Variants in TMEM244 observed in about 807,000 individuals in gnomAD.
The protein encoded by TMEM244 is transmembrane protein 244.
Under a neutral mutation model 15.8 loss-of-function variants are expected in TMEM244, and 13 were observed. That is an observed-to-expected ratio of 0.82 (90% CI 0.53 to 1.30). TMEM244 has a LOEUF of 1.30. Ranked by LOEUF, TMEM244 falls within the 50% of genes most tolerant of loss-of-function variation. TMEM244 has a pLI of 0.00. For synonymous variants in TMEM244, 45 were observed against 48.7 expected (o/e 0.92, Z 0.32); for missense variants, 161 against 144.9 (o/e 1.11, Z -0.57).
At chr6:129,844,086 G>A (rs1584186287) in intron 2 of TMEM244, among the ~76,000 whole-genome samples, 1 of 72,348 alleles carries the variant, frequency 1.4e-5, no homozygotes, top group African/African-American at 4.9e-5. Context: ...TTTTTGAAAT[G>A]TAATGTTGAA....
rs76435478 is a variant in TMEM244 at position 129,846,027 on chromosome 6, C to T, written c.34-175G>A. ...AGTGCCCATCTTGGAGCTTCTTTAGCGGTATAATTTTCTTAAGAGTCATGT... is the reference window on the plus strand; with the variant it reads ...AGTGCCCATCTTGGAGCTTCTTTAGTGGTATAATTTTCTTAAGAGTCATGT... On this transcript the variant is annotated intron_variant, in intron 1 of 4. Coordinates refer to ENST00000368143, the MANE Select transcript of TMEM244 (RefSeq NM_001010876.2). Among the ~76,000 whole-genome samples the T allele has an allele frequency of 2.6e-3, 394 of 152,224 alleles. 1 individual carries two copies. Among genetic ancestry groups the T allele is most frequent in the African/African-American group, 8.8e-3 (364 of 41,538 alleles).
intron 1 of TMEM244, among the ~76,000 whole-genome samples, chr6:129,855,918 C>A (rs938317714): frequency 1.3e-5 from 2 of 152,036 alleles, no homozygotes; most frequent in African/African-American, 2.4e-5. Flanking sequence ...AATTTTTTAG[C>A]CATTCATTAA....
chr6:129,846,443 T>C (rs1162429114), intron 1 of TMEM244, among the ~76,000 whole-genome samples: 1 of 152,202 alleles, frequency 6.6e-6, no homozygotes, highest in Non-Finnish European at 1.5e-5. Context: ...TATATAGAGA[T>C]ACACTTACTT....
In TMEM244 at chr6:129,831,401, A is replaced by AT. The variant is rs1776327850; in HGVS notation, c.320-16_320-15insA. 1 of 1,547,042 alleles carries AT rather than the reference A, an allele frequency of 6.5e-7. No homozygotes were observed. The highest frequency in any genetic ancestry group is 1.3e-5 in the African/African-American group (1 of 74,238). The stretch of plus-strand genomic sequence containing the variant: ...TTCCAACATAACTGCAATAGAAAAA[A>AT]AATGTTTAATTTCAAAACATGCGTT... On this transcript the variant is annotated splice_polypyrimidine_tract_variant and intron_variant, in intron 4 of 4. Coordinates refer to ENST00000368143, the MANE Select transcript of TMEM244 (RefSeq NM_001010876.2).
At chr6:129,840,744 C>G (rs1776478493) in intron 3 of TMEM244, among the ~76,000 whole-genome samples, 1 of 151,962 alleles carries the variant, frequency 6.6e-6, no homozygotes, top group Non-Finnish European at 1.5e-5. Flanking sequence ...AAAAGCAACC[C>G]CATCAAAAAA....
intron 1 of TMEM244, among the ~76,000 whole-genome samples, chr6:129,852,409 C>T (rs181553688): frequency 1.2e-3 from 179 of 152,270 alleles, no homozygotes; most frequent in African/African-American, 3.7e-3. Context: ...CTTTAATCCT[C>T]ACAACAACAC....
intron 3 of TMEM244, among the ~76,000 whole-genome samples, chr6:129,834,823 A>G (rs1288276539): frequency 1.3e-5 from 2 of 152,198 alleles, no homozygotes; most frequent in Non-Finnish European, 1.5e-5. Context: ...ATCTCTTTCC[A>G]TCACATCTCA....
chr6:129,833,543 A>C lies in TMEM244; in HGVS notation c.236T>G (p.Leu79Trp), dbSNP rs1015085659. 1 of 1,613,082 alleles carries C rather than the reference A, an allele frequency of 6.2e-7. No individual in the cohort carries two copies. The highest frequency in any genetic ancestry group is 1.3e-5 in the African/African-American group (1 of 75,006). Residue 79 changes from leucine (L) to tryptophan (W), a missense_variant, in exon 4 of 5, where the codon TTG becomes TGG. By Grantham distance (61) the Leu-to-Trp change is moderately conservative. Transcript: ENST00000368143. Reference sequence around the variant, plus strand: ...TTCTTCCACAACTGGAACAAAAAACAATCCACAAACAAAGTAGGTGACCTC... The same window carrying C: ...TTCTTCCACAACTGGAACAAAAAACCATCCACAAACAAAGTAGGTGACCTC... Reference protein sequence around the residue: ...STEVTYFVCGLFFVPVVEEWV... With the variant: ...STEVTYFVCGWFFVPVVEEWV...
intron 3 of TMEM244, among the ~76,000 whole-genome samples, chr6:129,833,936 A>G (rs1189872246): frequency 6.6e-6 from 1 of 152,148 alleles, no homozygotes; most frequent in African/African-American, 2.4e-5. Flanking sequence ...AAACTAATGA[A>G]AAAATCCAGT....
At chr6:129,833,621 T>C (rs759685255) in intron 3 of TMEM244, 36 bp from the exon 4 acceptor site, 1 of 1,593,442 alleles carries the variant, frequency 6.3e-7, no homozygotes, top group Non-Finnish European at 8.5e-7. Flanking sequence ...TATTGAGGAC[T>C]AGAGCAATGA....
At chr6:129,843,625 A>G in intron 2 of TMEM244, 22 bp from the exon 3 acceptor site, 2 of 1,569,348 alleles carry the variant, frequency 1.3e-6, no homozygotes, top group Non-Finnish European at 8.8e-7. Flanking sequence ...ATAAGTGAAA[A>G]CAGTTTACTC....
At position 129,831,793 on chromosome 6, in the gene TMEM244, G is replaced by C. The variant is rs142229084; in HGVS notation, c.320-407C>G. Among the ~76,000 whole-genome samples, 181 of 152,244 alleles carry C rather than the reference G, an allele frequency of 1.2e-3. 1 individual carries two copies. The highest frequency in any genetic ancestry group is 3.9e-3 in the African/African-American group (163 of 41,544). Reference sequence around the variant, plus strand: ...AGATCATTAACTCATAACTTTTCTAGGTCCAGAACCTATAGCTCATTTCAA... The same window carrying C: ...AGATCATTAACTCATAACTTTTCTACGTCCAGAACCTATAGCTCATTTCAA... On this transcript the variant is annotated intron_variant, in intron 4 of 4. Transcript: ENST00000368143.
chr6:129,833,555 AAGT>A lies in TMEM244; in HGVS notation c.221_223del (p.Tyr74del), dbSNP rs1311580663. On this transcript the variant is annotated inframe_deletion, in exon 4 of 5. Transcript: ENST00000368143. Reference sequence around the variant, plus strand: ...TGGAACAAAAAACAATCCACAAACAAAGTAGGTGACCTCTGTTGAAACTAAAAG... The same window carrying A: ...TGGAACAAAAAACAATCCACAAACAAAGGTGACCTCTGTTGAAACTAAAAG... The A allele has an allele frequency of 6.2e-7, 1 of 1,612,702 alleles. No homozygotes were observed. Among genetic ancestry groups the A allele is most frequent in the African/African-American group, 1.3e-5 (1 of 74,886 alleles).
At position 129,835,780 on chromosome 6, in the gene TMEM244, A is replaced by G. The variant is rs926965408; in HGVS notation, c.194-2195T>C. ...CCATGCCTGGTTCGGCAGGTCCCAC[A>G]CCCACGGAGCCTTGCTCACTGCTAG... On this transcript the variant is annotated intron_variant, in intron 3 of 4. Coordinates refer to ENST00000368143, the MANE Select transcript of TMEM244 (RefSeq NM_001010876.2). Among the ~76,000 whole-genome samples the G allele has an allele frequency of 2.4e-4, 36 of 152,286 alleles. 1 individual carries two copies. Among genetic ancestry groups the G allele is most frequent in the African/African-American group, 7.7e-4 (32 of 41,576 alleles).
intron 2 of TMEM244, among the ~76,000 whole-genome samples, chr6:129,845,473 A>G (rs796358279): frequency 1.8e-4 from 28 of 152,236 alleles, no homozygotes; most frequent in African/African-American, 6.7e-4. Context: ...ACATTTGCCT[A>G]TTTTTACTTA....
rs777559831 is a variant in TMEM244 at position 129,845,794 on chromosome 6, G to T, written c.92C>A (p.Ser31Tyr). ...VILFYTVYYV[S>Y]LSMGCVMFEV... The stretch of plus-strand genomic sequence containing the variant: ...AAACATCACGCAGCCCATGCTCAGG[G>T]ACACATAGTACACAGTGTAGAAAAG... Residue 31 changes from serine (S) to tyrosine (Y), a missense_variant, in exon 2 of 5, where the codon TCC becomes TAC. By Grantham distance (144) the Ser-to-Tyr change is moderately radical. Transcript: ENST00000368143. 10 of 1,612,780 alleles carry T rather than the reference G, an allele frequency of 6.2e-6. No homozygotes were observed. Among genetic ancestry groups the T allele is most frequent in the Middle Eastern group, 3.3e-4 (2 of 6,076 alleles).
chr6:129,859,971 TCAA>T (rs369122788), intron 1 of TMEM244, among the ~76,000 whole-genome samples: 126 of 152,304 alleles, frequency 8.3e-4, no homozygotes, highest in African/African-American at 2.8e-3. Flanking sequence ...ATTCAGATAG[TCAA>T]CAACCTATCT....
chr6:129,833,944 A>G (rs1776365637), intron 3 of TMEM244, among the ~76,000 whole-genome samples: 1 of 152,162 alleles, frequency 6.6e-6, no homozygotes, highest in Non-Finnish European at 1.5e-5. Context: ...GAAAAAATCC[A>G]GTTCTGAGTT....
intron 3 of TMEM244, among the ~76,000 whole-genome samples, chr6:129,840,387 C>G (rs1776472523): frequency 6.6e-6 from 1 of 152,044 alleles, no homozygotes; most frequent in Non-Finnish European, 1.5e-5. Flanking sequence ...ATGCAGAAAA[C>G]TGAAACTGGA....
Sources: allele counts gnomAD v4.1 joint callset (sites outside exome capture counted in the v4.1 genomes callset), GRCh38; gene constraint gnomAD v4.1.1; transcripts MANE v1.5; gene names NCBI Gene and HGNC (gene_info 2026-07-23, HGNC 2026-07-21).